Variants in UGP2 observed in about 807,000 individuals in gnomAD.
The protein encoded by UGP2 is UTP--glucose-1-phosphate uridylyltransferase.
Under a neutral mutation model 49.0 loss-of-function variants are expected in UGP2, and 40 were observed. The observed-to-expected ratio is 0.82, with a 90% CI of 0.63 to 1.06. UGP2 has a LOEUF of 1.06. Among genes scored for constraint, UGP2 ranks in the 50% least tolerant of loss-of-function variants. The pLI, the probability that UGP2 is intolerant of heterozygous loss-of-function variation, is 0.00. For missense variants in UGP2, 460 were observed against 603.5 expected (o/e 0.76, Z 2.49); for synonymous variants, 225 against 213.0 (o/e 1.06, Z -0.49).
chr2:63,884,919 TAAAA>T (rs906726447), intron 5 of UGP2, among the ~76,000 whole-genome samples: 2 of 137,582 alleles, frequency 1.5e-5, no homozygotes, highest in Non-Finnish European at 3.1e-5. Flanking sequence ...AAAATAAAAA[TAAAA>T]AAGAAGGACA....
intron 6 of UGP2, 146 bp downstream of exon 6, chr2:63,886,032 C>T: frequency 4.0e-6 from 4 of 1,005,198 alleles, no homozygotes; most frequent in Non-Finnish European, 4.1e-6. Context: ...ATCATAAATC[C>T]ATAATAAATA....
Position 63,887,413 on chromosome 2 carries a change from A to T in UGP2, c.1083A>T (p.Gly361=). The change falls in exon 8 of 10, where the codon GGA becomes GGT. Residue 361 remains glycine, a synonymous_variant. Coordinates refer to ENST00000337130, the MANE Select transcript of UGP2 (RefSeq NM_006759.4). ...CTAATTTCTTACAGACTTTGGATGG[A>T]GGCCTGAATGTCATTCAATTAGAAA... is the stretch of plus-strand genomic sequence containing the variant. ...EIIVNAKTLD[G]GLNVIQLETA... is the part of the protein sequence containing the mutation. 1 of 1,613,958 alleles carries T rather than the reference A, an allele frequency of 6.2e-7. No homozygotes were observed. The highest frequency in any genetic ancestry group is 8.5e-7 in the Non-Finnish European group (1 of 1,179,994).
At chr2:63,875,297 A>T (rs1421840251) in intron 3 of UGP2, among the ~76,000 whole-genome samples, 1 of 152,208 alleles carries the variant, frequency 6.6e-6, no homozygotes, top group Non-Finnish European at 1.5e-5. Flanking sequence ...TTTGTTGAAA[A>T]AAAATTCTTT....
intron 1 of UGP2, among the ~76,000 whole-genome samples, chr2:63,846,763 G>A (rs1161769943): frequency 6.6e-6 from 1 of 152,190 alleles, no homozygotes; most frequent in East Asian, 1.9e-4. Flanking sequence ...ACCAAATTTA[G>A]CCTGTTGCTG....
intron 1 of UGP2, among the ~76,000 whole-genome samples, chr2:63,843,474 G>C (rs914499875): frequency 7.2e-5 from 11 of 152,330 alleles, no homozygotes; most frequent in African/African-American, 2.6e-4. Flanking sequence ...TATTTTGCAA[G>C]AATATGCTAG....
chr2:63,878,739 A>AT (rs1671096790), intron 3 of UGP2, among the ~76,000 whole-genome samples: 2 of 152,020 alleles, frequency 1.3e-5, no homozygotes, highest in African/African-American at 4.8e-5. Flanking sequence ...AATTAAAAAA[A>AT]TTTTTTTGTA....
At chr2:63,875,178 G>C (rs1378626054) in intron 3 of UGP2, among the ~76,000 whole-genome samples, 1 of 152,206 alleles carries the variant, frequency 6.6e-6, no homozygotes, top group Non-Finnish European at 1.5e-5. Context: ...GTAGCAGTAA[G>C]GGTTTAGTGA....
chr2:63,882,375 T>C, intron 3 of UGP2, 91 bp from the exon 4 acceptor site: 2 of 1,217,686 alleles, frequency 1.6e-6, no homozygotes, highest in African/African-American at 1.5e-5. Context: ...ACCGAAACTT[T>C]ATGGAAGCAT....
intron 8 of UGP2, chr2:63,887,886 GTCT>G: frequency 2.0e-6 from 1 of 492,690 alleles, no homozygotes; most frequent in South Asian, 2.5e-5. Flanking sequence ...TTTATCTTCT[GTCT>G]CTTCCAAGAC....
chr2:63,863,013 G>C, intron 3 of UGP2: 1 of 345,126 alleles, frequency 2.9e-6, no homozygotes, highest in Non-Finnish European at 5.7e-6. Flanking sequence ...TCATACTAAA[G>C]TGGAGTGTTC....
At chr2:63,872,298 A>G (rs1304683912) in intron 3 of UGP2, among the ~76,000 whole-genome samples, 2 of 152,236 alleles carry the variant, frequency 1.3e-5, no homozygotes, top group Non-Finnish European at 2.9e-5. Flanking sequence ...AAATCAACCA[A>G]TTAATTGTAA....
At chr2:63,863,080 A>G (rs959915277) in intron 3 of UGP2, among the ~76,000 whole-genome samples, 2 of 152,170 alleles carry the variant, frequency 1.3e-5, no homozygotes, top group African/African-American at 4.8e-5. Flanking sequence ...CACAAGGTTG[A>G]CTAATTTTAT....
Position 63,842,195 on chromosome 2 carries a change from T to A in UGP2, c.10T>A (p.Phe4Ile), listed in dbSNP as rs1323998596. 6.2e-7 allele frequency: 1 copy of A among 1,600,216 alleles called. No homozygotes were observed. Among genetic ancestry groups the A allele is most frequent in the Non-Finnish European group, 8.5e-7 (1 of 1,176,492 alleles). MSR[F>I]VQDLSKAMSQ... ...TTACTAAGCCCCTAAAATGTCGAGA[T>A]TTGTACAAGGTAAGAAATGCTGCTG... The change falls in exon 1 of 10, where the codon TTT becomes ATT. Residue 4 changes from phenylalanine (F) to isoleucine (I), a missense_variant. This residue lies in a region of UGP2 where 143 missense variants were observed against 130.4 expected (regional missense o/e 1.10). Transcript: ENST00000337130.
At chr2:63,880,781 G>T (rs1671249062) in intron 3 of UGP2, among the ~76,000 whole-genome samples, 1 of 152,154 alleles carries the variant, frequency 6.6e-6, no homozygotes, top group Admixed American at 6.5e-5. Flanking sequence ...TGCAGGGGAA[G>T]CGATCAGTGT....
At position 63,887,590 on chromosome 2, in the gene UGP2, A is replaced by G. The variant is rs368034646; in HGVS notation, c.1260A>G (p.Glu420=). 2.0e-5 allele frequency: 32 copies of G among 1,614,168 alleles called. No individual in the cohort carries two copies. The highest frequency in any genetic ancestry group is 2.5e-5 in the Non-Finnish European group (30 of 1,180,028). Residue 420 remains glutamate (E), a synonymous_variant, in exon 8 of 10, where the codon GAA becomes GAG. Coordinates refer to ENST00000337130, the MANE Select transcript of UGP2 (RefSeq NM_006759.4). ...SLNAGSLTMS[E]KREFPTVPLV... is the part of the protein sequence containing the mutation. ...ATGCAGGATCTCTGACAATGAGTGAAAAGCGGGAATTTCCTACAGTGCCCT... is the reference window on the plus strand; with the variant it reads ...ATGCAGGATCTCTGACAATGAGTGAGAAGCGGGAATTTCCTACAGTGCCCT...
intron 8 of UGP2, chr2:63,888,235 G>C (rs1205681965): frequency 6.5e-6 from 1 of 153,790 alleles, no homozygotes; most frequent in East Asian, 1.9e-4. Context: ...TGACAAATCG[G>C]TATCTAGTGC....
chr2:63,860,093 C>A (rs1328223348), intron 3 of UGP2, among the ~76,000 whole-genome samples: 4 of 152,058 alleles, frequency 2.6e-5, no homozygotes, highest in African/African-American at 9.7e-5. Context: ...GATCAATTTT[C>A]CTTTCAAAAT....
intron 3 of UGP2, among the ~76,000 whole-genome samples, chr2:63,870,269 G>A (rs79741120): frequency 0.025 from 3,878 of 152,090 alleles, 82 homozygotes; most frequent in Non-Finnish European, 0.038. Context: ...TTAATAGCTG[G>A]GAAAATAAAA....
rs1309004422 is a variant in UGP2 at position 63,842,666 on chromosome 2, T to C, written c.19+462T>C. The C allele has an allele frequency of 6.6e-6, 9 of 1,368,328 alleles. No individual in the cohort carries two copies. In the East Asian group the frequency reaches 2.1e-4, roughly 32 times the overall value. The allele number at this position is 1,368,328 out of a possible 1,614,324, so 84.8% of individuals were successfully genotyped here. ...CGCTTCTACTTCGTTTGTGTGTACG[T>C]GGTTTGCGTCTCAGATTCACTTATT... On this transcript the variant is annotated intron_variant, in intron 1 of 9. Coordinates refer to ENST00000337130, the MANE Select transcript of UGP2 (RefSeq NM_006759.4).
Sources: allele counts gnomAD v4.1 joint callset (sites outside exome capture counted in the v4.1 genomes callset), GRCh38; gene constraint gnomAD v4.1.1; regional missense constraint gnomAD v4.1.1; transcripts MANE v1.5; gene names NCBI Gene and HGNC (gene_info 2026-07-23, HGNC 2026-07-21).